GABRB1: variants seen among roughly 807,000 people sequenced by gnomAD.
GABRB1 encodes gamma-aminobutyric acid type A receptor subunit beta1, also known as gamma-aminobutyric acid receptor subunit beta-1.
In GABRB1, 17 loss-of-function variants were observed where a neutral mutation model predicts 51.6. That is an observed-to-expected ratio of 0.33 (90% CI 0.23 to 0.49). The LOEUF is 0.49. Ranked by LOEUF, GABRB1 falls within the 20% of genes least tolerant of loss-of-function variation. The pLI is 0.99. For missense variants in GABRB1, 410 were observed against 600.6 expected (o/e 0.68, Z 3.32); for synonymous variants, 247 against 218.9 (o/e 1.13, Z -1.14).
intron 4 of GABRB1, among the ~76,000 whole-genome samples, chr4:47,211,156 C>G (rs1300116475): frequency 6.6e-6 from 1 of 152,090 alleles, no homozygotes; most frequent in Non-Finnish European, 1.5e-5. Context: ...TTATGAGATT[C>G]TTAATCATAA....
At chr4:47,260,491 T>C (rs1722387372) in intron 4 of GABRB1, among the ~76,000 whole-genome samples, 1 of 152,166 alleles carries the variant, frequency 6.6e-6, no homozygotes, top group African/African-American at 2.4e-5. Context: ...TGTTTAGTGC[T>C]TCCTTCAGGA....
intron 5 of GABRB1, among the ~76,000 whole-genome samples, chr4:47,352,018 T>C (rs1365806848): frequency 2.0e-5 from 3 of 152,048 alleles, no homozygotes; most frequent in Non-Finnish European, 4.4e-5. Context: ...TAGTTTACAG[T>C]CCCACCAACA....
At chr4:47,171,243 C>T (rs1235139994) in intron 4 of GABRB1, among the ~76,000 whole-genome samples, 2 of 146,644 alleles carry the variant, frequency 1.4e-5, no homozygotes, top group Admixed American at 1.4e-4. Context: ...TTGTATGTCT[C>T]GTGGAAGAAT....
At chr4:47,105,248 C>A (rs1714911439) in intron 3 of GABRB1, among the ~76,000 whole-genome samples, 1 of 152,068 alleles carries the variant, frequency 6.6e-6, no homozygotes, top group African/African-American at 2.4e-5. Context: ...ATGATTACTC[C>A]ATCATCGGCT....
intron 3 of GABRB1, among the ~76,000 whole-genome samples, chr4:47,078,458 A>C (rs1727670196): frequency 6.6e-6 from 1 of 152,148 alleles, no homozygotes; most frequent in Non-Finnish European, 1.5e-5. Flanking sequence ...TTTTATTCAA[A>C]GTAATCTTAG....
At chr4:47,143,443 A>G (rs1717016174) in intron 3 of GABRB1, among the ~76,000 whole-genome samples, 1 of 151,856 alleles carries the variant, frequency 6.6e-6, no homozygotes. Flanking sequence ...TCTTGACAGG[A>G]GGAACAGGCA....
chr4:47,372,505 C>T (rs575196927), intron 5 of GABRB1, among the ~76,000 whole-genome samples: 3 of 152,136 alleles, frequency 2.0e-5, no homozygotes, highest in East Asian at 1.9e-4. Flanking sequence ...ACTTTTTGGC[C>T]ATTTTCGGTT....
At chr4:47,237,819 T>A (rs909855395) in intron 4 of GABRB1, among the ~76,000 whole-genome samples, 4 of 151,982 alleles carry the variant, frequency 2.6e-5, no homozygotes, top group African/African-American at 9.7e-5. Flanking sequence ...TACTTGGTGT[T>A]TGACCTCAAA....
At chr4:47,352,767 G>C (rs565168942) in intron 5 of GABRB1, among the ~76,000 whole-genome samples, 1 of 152,132 alleles carries the variant, frequency 6.6e-6, no homozygotes, top group African/African-American at 2.4e-5. Context: ...TTGCACATTT[G>C]GGTTTGCTTA....
intron 3 of GABRB1, among the ~76,000 whole-genome samples, chr4:47,143,586 A>G (rs1278790518): frequency 6.6e-6 from 1 of 151,898 alleles, no homozygotes; most frequent in Non-Finnish European, 1.5e-5. Context: ...CATGGTGCTT[A>G]GATGGAGAAG....
Position 47,370,244 on chromosome 4 carries a change from G to A in GABRB1, c.545-33074G>A, listed in dbSNP as rs998334099. ...TGGCTTATGCCTGTAATCTCAGCACGTTGGGTGGCCGAGGCGAGTGGATCA... is the reference window on the plus strand; with the variant it reads ...TGGCTTATGCCTGTAATCTCAGCACATTGGGTGGCCGAGGCGAGTGGATCA... On this transcript the variant is annotated intron_variant, in intron 5 of 8. Coordinates refer to ENST00000295454, the MANE Select transcript of GABRB1 (RefSeq NM_000812.4). 3.3e-5 allele frequency among the ~76,000 whole-genome samples: 5 copies of A among 152,268 alleles called. No individual in the cohort carries two copies. In the East Asian group the frequency reaches 5.8e-4, roughly 18 times the overall value.
At chr4:47,009,322 A>T (rs928661913) in intron 1 of GABRB1, among the ~76,000 whole-genome samples, 1 of 151,944 alleles carries the variant, frequency 6.6e-6, no homozygotes, top group East Asian at 1.9e-4. Context: ...ACCACACAAA[A>T]TATATACCAT....
intron 3 of GABRB1, among the ~76,000 whole-genome samples, chr4:47,133,107 C>A (rs935983928): frequency 6.6e-6 from 1 of 152,100 alleles, no homozygotes; most frequent in South Asian, 2.1e-4. Context: ...TGTTCAATAT[C>A]TCTTGCAAAA....
chr4:47,379,797 T>C (rs1436487897), intron 5 of GABRB1, among the ~76,000 whole-genome samples: 3 of 152,198 alleles, frequency 2.0e-5, no homozygotes, highest in Non-Finnish European at 4.4e-5. Context: ...ATAATTAGTA[T>C]GAAACTAGGC....
At chr4:47,051,327 A>G (rs1332556235) in intron 3 of GABRB1, among the ~76,000 whole-genome samples, 1 of 152,206 alleles carries the variant, frequency 6.6e-6, no homozygotes, top group Non-Finnish European at 1.5e-5. Flanking sequence ...GCTTAAGAGT[A>G]TAAGAAAAGT....
chr4:47,252,041 A>C (rs973706645), intron 4 of GABRB1, among the ~76,000 whole-genome samples: 2 of 151,932 alleles, frequency 1.3e-5, no homozygotes, highest in African/African-American at 4.8e-5. Flanking sequence ...TACAAAGTTC[A>C]GCTGGAGATA....
chr4:47,289,204 T>A (rs960138882), intron 4 of GABRB1, among the ~76,000 whole-genome samples: 16 of 152,210 alleles, frequency 1.1e-4, no homozygotes, highest in Admixed American at 8.5e-4. Context: ...CCATGCTGTC[T>A]GAGTGAAAAC....
intron 1 of GABRB1, among the ~76,000 whole-genome samples, chr4:47,021,913 A>G (rs1724940664): frequency 6.6e-6 from 1 of 152,124 alleles, no homozygotes; most frequent in South Asian, 2.1e-4. Context: ...CAGGGCCTGG[A>G]ACAGAGTAAG....
intron 3 of GABRB1, among the ~76,000 whole-genome samples, chr4:47,038,401 T>G (rs1278627933): frequency 6.6e-6 from 1 of 152,216 alleles, no homozygotes; most frequent in Non-Finnish European, 1.5e-5. Flanking sequence ...TGGTTTATAT[T>G]GTATTGAACA....
Sources: allele counts gnomAD v4.1 joint callset (sites outside exome capture counted in the v4.1 genomes callset), GRCh38; gene constraint gnomAD v4.1.1; transcripts MANE v1.5; gene names NCBI Gene and HGNC (gene_info 2026-07-23, HGNC 2026-07-21).